The following CDH13 variants were observed in gnomAD, a reference collection of about 807,000 sequenced individuals.
CDH13 encodes cadherin-13.
Under a neutral mutation model 63.8 loss-of-function variants are expected in CDH13, and 24 were observed. The ratio of observed to expected loss-of-function variants is 0.38; its 90% CI spans 0.27 to 0.53. The LOEUF (loss-of-function observed/expected upper bound fraction) is 0.53. Among genes scored for constraint, CDH13 ranks in the 20% least tolerant of loss-of-function variants. The probability of loss-of-function intolerance (pLI) is 0.85; values close to 1 mark genes in which losing one functional copy is unlikely to be tolerated. For synonymous variants in CDH13, 503 were observed against 355.3 expected (o/e 1.42, Z -4.67); for missense variants, 1,049 against 903.1 (o/e 1.16, Z -2.07).
At chr16:83,138,754 G>C (rs1034721741) in intron 4 of CDH13, among the ~76,000 whole-genome samples, 1 of 152,126 alleles carries the variant, frequency 6.6e-6, no homozygotes, top group African/African-American at 2.4e-5. Flanking sequence ...GGTAACACCT[G>C]AAGGCTGAGA....
At chr16:83,395,615 G>A (rs558288566) in intron 6 of CDH13, among the ~76,000 whole-genome samples, 1 of 152,284 alleles carries the variant, frequency 6.6e-6, no homozygotes, top group South Asian at 2.1e-4. Flanking sequence ...TTTTCCTTCA[G>A]CCTGGTCATT....
At chr16:83,764,300 G>A (rs1277617162) in intron 11 of CDH13, among the ~76,000 whole-genome samples, 1 of 152,180 alleles carries the variant, frequency 6.6e-6, no homozygotes, top group Non-Finnish European at 1.5e-5. Context: ...CAGAAAAGGT[G>A]TCCTTGGACG....
chr16:82,675,507 A>G (rs1913792286), intron 1 of CDH13, among the ~76,000 whole-genome samples: 1 of 152,222 alleles, frequency 6.6e-6, no homozygotes, highest in African/African-American at 2.4e-5. Context: ...TGGTAGGAAA[A>G]GAATTTGACT....
intron 1 of CDH13, among the ~76,000 whole-genome samples, chr16:82,781,801 G>C (rs991876693): frequency 2.0e-5 from 3 of 152,140 alleles, no homozygotes; most frequent in African/African-American, 7.2e-5. Flanking sequence ...AGACATATAA[G>C]TCGCAGTTCT....
Position 83,748,089 on chromosome 16 carries a change from T to C in CDH13, c.1539-19T>C, listed in dbSNP as rs776161760. ...TCTACTTTGAATGCAGAGTCTGACA[T>C]TGTGGGGATTTTTTTCAGGTATTCT... On this transcript the variant is annotated intron_variant, in intron 10 of 13. Coordinates refer to ENST00000567109, the MANE Select transcript of CDH13 (RefSeq NM_001257.5). 47 of 1,613,650 alleles carry C rather than the reference T, an allele frequency of 2.9e-5. No homozygotes were observed. The highest frequency in any genetic ancestry group is 3.5e-5 in the Non-Finnish European group (41 of 1,179,714).
intron 8 of CDH13, among the ~76,000 whole-genome samples, chr16:83,607,519 T>C (rs1290344410): frequency 6.6e-6 from 1 of 152,212 alleles, no homozygotes; most frequent in East Asian, 1.9e-4. Flanking sequence ...ATCTCTCCTA[T>C]CCTCTGTTGT....
intron 1 of CDH13, among the ~76,000 whole-genome samples, chr16:82,797,953 T>G (rs753439083): frequency 6.6e-6 from 1 of 152,202 alleles, no homozygotes; most frequent in Non-Finnish European, 1.5e-5. Context: ...AAAGTTCATG[T>G]GTGTAGTGGT....
In CDH13 at chr16:82,644,516, A is replaced by T. The variant is rs529449798; in HGVS notation, c.45+17379A>T. Among the ~76,000 whole-genome samples, 1 of 152,324 alleles carries T rather than the reference A, an allele frequency of 6.6e-6. No homozygotes were observed. The highest frequency in any genetic ancestry group is 6.5e-5 in the Admixed American group (1 of 15,302). On this transcript the variant is annotated intron_variant, in intron 1 of 13. Coordinates refer to ENST00000567109, the MANE Select transcript of CDH13 (RefSeq NM_001257.5). The surrounding 1 kb of genome is among the most constrained non-coding windows in gnomAD (Gnocchi z 5.7). ...TAGCCATGCACAGTGAAACAAGGAA[A>T]GCAGCCTAGAGCTGGTCCCCAGACC...
chr16:82,942,234 G>A (rs1299585503), intron 2 of CDH13, among the ~76,000 whole-genome samples: 1 of 152,108 alleles, frequency 6.6e-6, no homozygotes, highest in African/African-American at 2.4e-5. Flanking sequence ...AGGTCAAGAT[G>A]TATGATTTTT....
intron 1 of CDH13, among the ~76,000 whole-genome samples, chr16:82,805,599 G>A (rs2037101744): frequency 1.3e-5 from 2 of 152,120 alleles, no homozygotes; most frequent in Non-Finnish European, 2.9e-5. Flanking sequence ...AGTATGACAA[G>A]CAGGAATGTC....
intron 3 of CDH13, among the ~76,000 whole-genome samples, chr16:83,121,123 G>A (rs2035552768): frequency 1.3e-5 from 2 of 152,082 alleles, no homozygotes; most frequent in South Asian, 4.1e-4. Flanking sequence ...TGTTCGTTTT[G>A]TTATATTATT....
intron 5 of CDH13, among the ~76,000 whole-genome samples, chr16:83,255,306 CCTG>C (rs1906121829): frequency 6.6e-6 from 1 of 152,150 alleles, no homozygotes; most frequent in Non-Finnish European, 1.5e-5. Context: ...TGCCGGGCCT[CCTG>C]CTCCATCCTC....
chr16:83,608,602 C>T (rs1908567612), intron 8 of CDH13, among the ~76,000 whole-genome samples: 1 of 151,990 alleles, frequency 6.6e-6, no homozygotes, highest in Non-Finnish European at 1.5e-5. Flanking sequence ...CCTCCTGCCT[C>T]AGCCTCCTGA....
chr16:82,958,209 G>T (rs907280203), intron 2 of CDH13, among the ~76,000 whole-genome samples: 1 of 152,166 alleles, frequency 6.6e-6, no homozygotes, highest in African/African-American at 2.4e-5. Flanking sequence ...TTCTAAAAAT[G>T]AGAATAACTT....
intron 2 of CDH13, among the ~76,000 whole-genome samples, chr16:82,969,424 C>G (rs1041589305): frequency 6.6e-6 from 1 of 151,600 alleles, no homozygotes. Context: ...TTCCTATTAG[C>G]TGAATACCTG....
intron 4 of CDH13, among the ~76,000 whole-genome samples, chr16:83,185,015 T>C (rs2038474735): frequency 6.6e-6 from 1 of 152,068 alleles, no homozygotes; most frequent in African/African-American, 2.4e-5. Flanking sequence ...TACACTTTCC[T>C]CTATCTTTCT....
intron 6 of CDH13, among the ~76,000 whole-genome samples, chr16:83,454,500 T>A (rs2151514994): frequency 6.6e-6 from 1 of 152,332 alleles, no homozygotes; most frequent in East Asian, 1.9e-4. Flanking sequence ...TATTTTACTT[T>A]GCATTTAATG....
chr16:83,554,414 T>C (rs912067054), intron 7 of CDH13, among the ~76,000 whole-genome samples: 1 of 152,098 alleles, frequency 6.6e-6, no homozygotes, highest in Non-Finnish European at 1.5e-5. Flanking sequence ...GAGGCAACGA[T>C]AAGTAGGCAA....
intron 2 of CDH13, among the ~76,000 whole-genome samples, chr16:83,024,933 G>A (rs1915661856): frequency 6.6e-6 from 1 of 152,272 alleles, no homozygotes; most frequent in South Asian, 2.1e-4. Flanking sequence ...AGAATCATCA[G>A]CCCCACCCCT....
Sources: gnomAD v4.1 joint callset for allele counts (sites outside exome capture counted in the v4.1 genomes callset) on GRCh38, gnomAD v4.1.1 for gene constraint, Gnocchi (gnomAD v3.1) non-coding constraint, MANE v1.5 for transcripts, NCBI Gene and HGNC (gene_info 2026-07-23, HGNC 2026-07-21) for gene names.